Variants in SEH1L observed in about 807,000 individuals in gnomAD.
SEH1L encodes SEH1 like nucleoporin.
A neutral mutation model predicts 49.5 loss-of-function variants in SEH1L; 18 were observed. The ratio of observed to expected loss-of-function variants is 0.36; its 90% CI spans 0.25 to 0.54. SEH1L has a LOEUF of 0.54. Among genes scored for constraint, SEH1L ranks in the 20% least tolerant of loss-of-function variants. SEH1L has a pLI of 0.87. For missense variants in SEH1L, 404 were observed against 528.8 expected, an observed-to-expected ratio of 0.76 and a Z score of 2.31; for synonymous variants, 169 against 178.1, an observed-to-expected ratio of 0.95 and a Z score of 0.41.
intron 8 of SEH1L, 179 bp from the exon 9 acceptor site, chr18:12,986,683 T>A (rs1043568056): frequency 1.1e-4 from 133 of 1,239,870 alleles, no homozygotes; most frequent in Non-Finnish European, 1.3e-4. Context: ...GGGTCTTGAT[T>A]TGTGCTATTA....
chr18:12,957,382 C>A (rs995118707), intron 3 of SEH1L, among the ~76,000 whole-genome samples: 2 of 151,762 alleles, frequency 1.3e-5, no homozygotes, highest in Non-Finnish European at 2.9e-5. Context: ...GAGCAGAGAT[C>A]GTGCCATTGC....
At chr18:12,948,968 G>A (rs936391031) in intron 1 of SEH1L, among the ~76,000 whole-genome samples, 1 of 149,290 alleles carries the variant, frequency 6.7e-6, no homozygotes, top group African/African-American at 2.5e-5. Flanking sequence ...TCCTGCCCCA[G>A]CCTCCCAAGT....
At chr18:12,963,718 T>C (rs888652009) in intron 4 of SEH1L, among the ~76,000 whole-genome samples, 1 of 152,242 alleles carries the variant, frequency 6.6e-6, no homozygotes, top group Non-Finnish European at 1.5e-5. Flanking sequence ...ATTGATTGAT[T>C]GATTGGTTGA....
intron 5 of SEH1L, chr18:12,976,433 T>C (rs1411665305): frequency 6.6e-6 from 1 of 152,102 alleles, no homozygotes; most frequent in Non-Finnish European, 1.5e-5. Flanking sequence ...GAGGTGCGGG[T>C]CATGGGGGCA....
intron 2 of SEH1L, among the ~76,000 whole-genome samples, chr18:12,952,166 G>T (rs1598939477): frequency 6.8e-6 from 1 of 147,680 alleles, no homozygotes. Context: ...TTTAATTGTT[G>T]TGATGTTTCA....
intron 3 of SEH1L, among the ~76,000 whole-genome samples, chr18:12,959,113 T>G (rs2031047069): frequency 6.6e-6 from 1 of 152,246 alleles, no homozygotes; most frequent in South Asian, 2.1e-4. Context: ...GATGTTGACC[T>G]TATTTTCATG....
At chr18:12,971,330 G>A in intron 5 of SEH1L, 79 bp downstream of exon 5, 2 of 941,584 alleles carry the variant, frequency 2.1e-6, no homozygotes, top group Non-Finnish European at 1.7e-6. Flanking sequence ...TTCATTTACA[G>A]AATTATGTGT....
At chr18:12,958,823 A>G (rs558602050) in intron 3 of SEH1L, among the ~76,000 whole-genome samples, 1 of 152,320 alleles carries the variant, frequency 6.6e-6, no homozygotes, top group South Asian at 2.1e-4. Flanking sequence ...TTGTACAGAT[A>G]AATGTTTGAG....
chr18:12,956,161 C>T (rs1020812106), intron 3 of SEH1L, among the ~76,000 whole-genome samples: 1 of 151,924 alleles, frequency 6.6e-6, no homozygotes, highest in East Asian at 1.9e-4. Flanking sequence ...TCTCCTACCT[C>T]AGCCTCCTGA....
At position 12,957,525 on chromosome 18, in the gene SEH1L, C is replaced by A. The variant is rs552940148; in HGVS notation, c.309+1916C>A. 1.2e-4 allele frequency among the ~76,000 whole-genome samples: 19 copies of A among 152,270 alleles called. No individual in the cohort carries two copies. The East Asian group carries it at 1.5e-3, about 12-fold the overall frequency. Reference sequence around the variant, plus strand: ...AATTTGGGCAAGAACATAATATAATCTGTGTGCTGTTGAAGTTCCTCATCT... The same window carrying A: ...AATTTGGGCAAGAACATAATATAATATGTGTGCTGTTGAAGTTCCTCATCT... On this transcript the variant is annotated intron_variant, in intron 3 of 8. Coordinates refer to ENST00000399892, the MANE Select transcript of SEH1L (RefSeq NM_001013437.2).
At chr18:12,959,409 TGG>T (rs997901342) in intron 3 of SEH1L, among the ~76,000 whole-genome samples, 1 of 152,232 alleles carries the variant, frequency 6.6e-6, no homozygotes, top group African/African-American at 2.4e-5. Context: ...CTTGAACTCC[TGG>T]GTTCAAGCGA....
Position 12,971,271 on chromosome 18 carries a change from T to G in SEH1L, c.620+20T>G. 6.9e-7 allele frequency: 1 copy of G among 1,451,864 alleles called. No homozygotes were observed. The highest frequency in any genetic ancestry group is 9.6e-7 in the Non-Finnish European group (1 of 1,037,370). The allele number at this position is 1,451,864 out of a possible 1,614,324, so 89.9% of individuals were successfully genotyped here. A position where few individuals can be genotyped will look rare whatever the true frequency, so the allele number is the denominator to read the frequency against. The stretch of plus-strand genomic sequence containing the variant: ...CACCAGGTCAGTCCTGCTTTGGTTT[T>G]AATAATTGTTCAGAATTGCATTTAA... On this transcript the variant is annotated intron_variant, in intron 5 of 8. Coordinates refer to ENST00000399892, the MANE Select transcript of SEH1L (RefSeq NM_001013437.2).
intron 3 of SEH1L, among the ~76,000 whole-genome samples, chr18:12,957,826 C>G (rs966322422): frequency 2.0e-5 from 3 of 152,150 alleles, no homozygotes; most frequent in Non-Finnish European, 4.4e-5. Context: ...AAGTGATCCT[C>G]CCACCTTAGC....
chr18:12,987,237 A>G lies in SEH1L; in HGVS notation c.*180A>G, dbSNP rs2032499857. 1 of 451,324 alleles carries G rather than the reference A, an allele frequency of 2.2e-6. No individual in the cohort carries two copies. Among genetic ancestry groups the G allele is most frequent in the Non-Finnish European group, 3.9e-6 (1 of 254,988 alleles). 28.0% of individuals were successfully genotyped at this position (451,324 alleles called of 1,614,324 possible). ...TCTGTTTGTGCGTCTGCATCAAAGG[A>G]ACATTTGCTTCACTGGGTGATAACC... On this transcript the variant is annotated 3_prime_UTR_variant, in exon 9 of 9. Coordinates refer to ENST00000399892, the MANE Select transcript of SEH1L (RefSeq NM_001013437.2).
chr18:12,985,253 G>A (rs767778886), intron 8 of SEH1L: 1 of 1,609,476 alleles, frequency 6.2e-7, no homozygotes, highest in South Asian at 1.1e-5. Context: ...GCACAGCTGA[G>A]TACAAGCTAA....
chr18:12,953,539 G>A (rs547751219), intron 2 of SEH1L, among the ~76,000 whole-genome samples: 52 of 152,296 alleles, frequency 3.4e-4, no homozygotes, highest in Middle Eastern at 6.8e-3. Context: ...TAGTTGAGAA[G>A]TGACCACAAA....
chr18:12,953,069 A>G (rs937591404), intron 2 of SEH1L, among the ~76,000 whole-genome samples: 1 of 152,198 alleles, frequency 6.6e-6, no homozygotes, highest in African/African-American at 2.4e-5. Flanking sequence ...GGCTTGAGCC[A>G]CCATGCCTGG....
At chr18:12,983,893 A>AATTT in intron 7 of SEH1L, 147 bp from the exon 8 acceptor site, 1 of 507,496 alleles carries the variant, frequency 2.0e-6, no homozygotes, top group Non-Finnish European at 3.4e-6. Context: ...TTCATTTAAA[A>AATTT]AGTGTCTTTA....
At position 12,955,598 on chromosome 18, in the gene SEH1L, C is replaced by G; in HGVS notation, c.298C>G (p.Gln100Glu). Residue 100 changes from glutamine to glutamate, a missense_variant, in exon 3 of 9, where the codon CAG becomes GAG. Transcript: ENST00000399892. ...VGESNDKLRG[Q>E]SHWVKRTTLV... ...AGAATCAAATGATAAACTGCGAGGA[C>G]AGAGCCACTGGGTGAGACATTTATT... 6.2e-7 allele frequency: 1 copy of G among 1,614,004 alleles called. No individual in the cohort carries two copies. The highest frequency in any genetic ancestry group is 8.5e-7 in the Non-Finnish European group (1 of 1,179,968).
Sources: gnomAD v4.1 joint callset for allele counts (sites outside exome capture counted in the v4.1 genomes callset) on GRCh38, gnomAD v4.1.1 for gene constraint, MANE v1.5 for transcripts, NCBI Gene and HGNC (gene_info 2026-07-23, HGNC 2026-07-21) for gene names.